Variants in SLC38A8 observed in about 807,000 individuals in gnomAD.
SLC38A8 encodes solute carrier family 38 member 8, also known as amino acid transporter SLC38A8.
A neutral mutation model predicts 46.0 loss-of-function variants in SLC38A8; 65 were observed. That is an observed-to-expected ratio of 1.41 (90% CI 1.16 to 1.74). The LOEUF is 1.74. Among genes scored for constraint, SLC38A8 ranks in the 40% most tolerant of loss-of-function variants. SLC38A8 has a pLI of 0.00. For missense variants in SLC38A8, 998 were observed against 567.9 expected (o/e 1.76, Z -7.70); for synonymous variants, 447 against 243.7 (o/e 1.83, Z -7.77).
chr16:84,017,780 G>A (rs1391480873), intron 7 of SLC38A8, among the ~76,000 whole-genome samples: 1 of 152,180 alleles, frequency 6.6e-6, no homozygotes, highest in East Asian at 1.9e-4. Flanking sequence ...GGGTGACACT[G>A]CTTCTGTCAC....
chr16:84,017,518 C>T (rs1049739941), intron 7 of SLC38A8, among the ~76,000 whole-genome samples: 1 of 152,210 alleles, frequency 6.6e-6, no homozygotes, highest in Non-Finnish European at 1.5e-5. Context: ...CCTTTCAAAT[C>T]GCTCACAGAG....
At chr16:84,021,108 G>C (rs555093913) in intron 7 of SLC38A8, among the ~76,000 whole-genome samples, 39 of 152,226 alleles carry the variant, frequency 2.6e-4, no homozygotes, top group African/African-American at 8.7e-4. Flanking sequence ...TGTTGCCCAG[G>C]CTGGAGTGCA....
At position 84,027,388 on chromosome 16, in the gene SLC38A8, C is replaced by CAAAA. The variant is rs201347322; in HGVS notation, c.690+2105_690+2106insTTTT. Among the ~76,000 whole-genome samples the CAAAA allele has an allele frequency of 4.9e-5, 7 of 141,492 alleles. No homozygotes were observed. In the East Asian group the frequency reaches 1.2e-3, roughly 24 times the overall value. The allele number at this position is 141,492 out of a possible 152,430, so 92.8% of individuals were successfully genotyped here. A position where few individuals can be genotyped will look rare whatever the true frequency, so the allele number is the denominator to read the frequency against. ...ACAAACAAACAAACAAACAAACAAA[C>CAAAA]ACACACTAGAAGTCCTGGTGTAGCC... On this transcript the variant is annotated intron_variant, in intron 6 of 10. Coordinates refer to ENST00000299709, the MANE Select transcript of SLC38A8 (RefSeq NM_001080442.3).
intron 5 of SLC38A8, among the ~76,000 whole-genome samples, chr16:84,030,521 G>C (rs1214714767): frequency 6.6e-6 from 1 of 151,928 alleles, no homozygotes; most frequent in African/African-American, 2.4e-5. Flanking sequence ...CCAGCTGCTT[G>C]ACTTCCCTCT....
intron 6 of SLC38A8, among the ~76,000 whole-genome samples, chr16:84,028,788 C>T (rs1157919242): frequency 6.6e-6 from 1 of 151,606 alleles, no homozygotes; most frequent in Non-Finnish European, 1.5e-5. Flanking sequence ...CGGTGACCCA[C>T]CTATGCTATC....
At chr16:84,029,715 A>G (rs7188496) in intron 5 of SLC38A8, among the ~76,000 whole-genome samples, 164 bp from the exon 6 acceptor site, 14 of 151,884 alleles carry the variant, frequency 9.2e-5, no homozygotes, top group Non-Finnish European at 1.9e-4. Context: ...GGAAATGGAA[A>G]AGGATGCTGG....
intron 10 of SLC38A8, among the ~76,000 whole-genome samples, chr16:84,010,920 C>A (rs537544849): frequency 6.6e-6 from 1 of 152,186 alleles, no homozygotes; most frequent in East Asian, 1.9e-4. Flanking sequence ...GCAGAGGTGG[C>A]TGGGACTGGC....
intron 10 of SLC38A8, among the ~76,000 whole-genome samples, 190 bp from the exon 11 acceptor site, chr16:84,010,067 A>ATT (rs397855804): frequency 0.034 from 3,809 of 111,782 alleles, 285 homozygotes; most frequent in African/African-American, 0.091. Flanking sequence ...TACCCAGGCA[A>ATT]TTTTTTTTTT....
intron 9 of SLC38A8, among the ~76,000 whole-genome samples, chr16:84,013,290 C>A (rs1194023893): frequency 6.6e-6 from 1 of 152,102 alleles, no homozygotes; most frequent in African/African-American, 2.4e-5. Flanking sequence ...TTCCCAGAGC[C>A]CCATCTTTCA....
At chr16:84,042,273 C>T (rs2085376826) in intron 1 of SLC38A8, 114 bp from the exon 2 acceptor site, 7 of 1,181,796 alleles carry the variant, frequency 5.9e-6, no homozygotes, top group Non-Finnish European at 8.1e-6. Context: ...GCCGCTCCTG[C>T]CCGCTTCCTT....
intron 10 of SLC38A8, among the ~76,000 whole-genome samples, chr16:84,010,723 G>A (rs148190743): frequency 1.3e-3 from 201 of 152,296 alleles, no homozygotes; most frequent in African/African-American, 4.3e-3. Flanking sequence ...CAGCCTGGAG[G>A]ACAGAGCAAG....
At chr16:84,024,145 G>A (rs1025021040) in intron 6 of SLC38A8, among the ~76,000 whole-genome samples, 9 of 152,088 alleles carry the variant, frequency 5.9e-5, no homozygotes, top group Non-Finnish European at 1.0e-4. Flanking sequence ...CTGCAGACAT[G>A]GTCAAATGTT....
At chr16:84,024,377 C>A (rs1025755448) in intron 6 of SLC38A8, among the ~76,000 whole-genome samples, 1 of 152,126 alleles carries the variant, frequency 6.6e-6, no homozygotes. Flanking sequence ...TGACTTCTTA[C>A]TACATTGCCC....
At chr16:84,013,775 G>A (rs1164508100) in intron 9 of SLC38A8, among the ~76,000 whole-genome samples, 1 of 148,890 alleles carries the variant, frequency 6.7e-6, no homozygotes, top group African/African-American at 2.5e-5. Flanking sequence ...TCAGGGCCAT[G>A]TAGCTTGGCC....
chr16:84,023,430 C>T (rs538256208), intron 6 of SLC38A8, among the ~76,000 whole-genome samples: 1 of 152,064 alleles, frequency 6.6e-6, no homozygotes, highest in African/African-American at 2.4e-5. Flanking sequence ...TTCAGTGTTC[C>T]GTTTTCTTAA....
chr16:84,010,036 C>G (rs2084936147), intron 10 of SLC38A8, among the ~76,000 whole-genome samples, 159 bp from the exon 11 acceptor site: 1 of 150,668 alleles, frequency 6.6e-6, no homozygotes, highest in African/African-American at 2.5e-5. Context: ...GGATGGGTTT[C>G]CAAGACAATG....
At chr16:84,041,166 G>C (rs537720667) in intron 2 of SLC38A8, 5 of 152,258 alleles carry the variant, frequency 3.3e-5, no homozygotes, top group African/African-American at 9.6e-5. Context: ...AGAAGAGCGC[G>C]GCGTCCGCGC....
chr16:84,021,447 A>G lies in SLC38A8; in HGVS notation c.805+1328T>C, dbSNP rs1222752913. Among the ~76,000 whole-genome samples the G allele has an allele frequency of 2.6e-5, 4 of 152,162 alleles. No homozygotes were observed. In the East Asian group the frequency reaches 7.7e-4, roughly 29 times the overall value. On this transcript the variant is annotated intron_variant, in intron 7 of 10. Transcript: ENST00000299709. ...GCCAAATTATTTGCCAGCTTCTAAC[A>G]GGTTTGTCCTTTACTCCAGCTTCCA...
chr16:84,022,795 C>A lies in SLC38A8; in HGVS notation c.785G>T (p.Cys262Phe), dbSNP rs767466926. ...LVSVLSLLACCLIYSLTGVYG... is the reference protein window; with the variant it reads ...LVSVLSLLACFLIYSLTGVYG... ...CTTACCCGTCAGTGAATAGATGAGG[C>A]AGCAGGCCAGCAAGGACAGCACAGA... Residue 262 changes from cysteine (C) to phenylalanine (F), a missense_variant, in exon 7 of 11, where the codon TGC becomes TTC. Coordinates refer to ENST00000299709, the MANE Select transcript of SLC38A8 (RefSeq NM_001080442.3). The A allele has an allele frequency of 5.0e-6, 8 of 1,614,076 alleles. No homozygotes were observed. The South Asian group carries it at 6.6e-5, about 13-fold the overall frequency.
Sources: allele counts gnomAD v4.1 joint callset (sites outside exome capture counted in the v4.1 genomes callset), GRCh38; gene constraint gnomAD v4.1.1; transcripts MANE v1.5; gene names NCBI Gene and HGNC (gene_info 2026-07-23, HGNC 2026-07-21).